USP54: variants seen among roughly 807,000 people sequenced by gnomAD.
USP54 encodes the protein ubiquitin specific peptidase 54.
In USP54, 87 loss-of-function variants were observed where a neutral mutation model predicts 170.5. That is an observed-to-expected ratio of 0.51 (90% CI 0.43 to 0.61). USP54 has a LOEUF of 0.61. Ranked by LOEUF, USP54 falls within the 20% of genes least tolerant of loss-of-function variation. The pLI is 0.00. For synonymous variants in USP54, 655 were observed against 742.8 expected (o/e 0.88, Z 1.92); for missense variants, 1,786 against 2,047.8 (o/e 0.87, Z 2.47).
At chr10:73,525,388 G>A (rs1307961395) in intron 16 of USP54, among the ~76,000 whole-genome samples, 1 of 152,178 alleles carries the variant, frequency 6.6e-6, no homozygotes, top group Non-Finnish European at 1.5e-5. Context: ...ATACAAACAG[G>A]ATGGTGGGGT....
intron 1 of USP54, among the ~76,000 whole-genome samples, chr10:73,620,878 G>A (rs769622572): frequency 5.3e-5 from 8 of 150,400 alleles, no homozygotes; most frequent in Non-Finnish European, 8.8e-5. Flanking sequence ...CAAACAGGTC[G>A]GATGCGGTGG....
intron 20 of USP54, among the ~76,000 whole-genome samples, chr10:73,509,960 T>G (rs1003414418): frequency 3.3e-5 from 5 of 151,754 alleles, no homozygotes; most frequent in Non-Finnish European, 7.4e-5. Flanking sequence ...TGCATTCCAG[T>G]CTGGGCAACA....
At chr10:73,559,231 G>T (rs1228995523) in intron 4 of USP54, among the ~76,000 whole-genome samples, 2 of 151,556 alleles carry the variant, frequency 1.3e-5, no homozygotes, top group Admixed American at 1.3e-4. Flanking sequence ...GACCAGCCCG[G>T]CCAACACGGT....
chr10:73,571,015 A>G (rs2075063978), intron 4 of USP54, among the ~76,000 whole-genome samples: 1 of 151,754 alleles, frequency 6.6e-6, no homozygotes, highest in Non-Finnish European at 1.5e-5. Context: ...GCACACGCCT[A>G]TAATCCCAGC....
At chr10:73,542,700 C>A in intron 7 of USP54, 103 bp downstream of exon 7, 1 of 1,191,192 alleles carries the variant, frequency 8.4e-7, no homozygotes, top group Admixed American at 2.1e-5. Flanking sequence ...CACTGCACTG[C>A]AGCCTGGGCA....
At chr10:73,539,328 T>A in intron 10 of USP54, 116 bp downstream of exon 10, 1 of 562,856 alleles carries the variant, frequency 1.8e-6, no homozygotes, top group Non-Finnish European at 2.5e-6. Context: ...ATATATGTTT[T>A]ATAGAAATGT....
chr10:73,595,546 A>G (rs2078657448), upstream of USP54, among the ~76,000 whole-genome samples: 1 of 152,190 alleles, frequency 6.6e-6, no homozygotes, highest in Non-Finnish European at 1.5e-5. Flanking sequence ...TCTCATATAA[A>G]TGGACTCTAA....
At chr10:73,624,358 C>A (rs2081347516) in intron 1 of USP54, 2 of 136,214 alleles carry the variant, frequency 1.5e-5, no homozygotes, top group South Asian at 4.9e-4. Flanking sequence ...CCACCAGGCC[C>A]GGCTAATTTT....
At chr10:73,557,172 G>T (rs1346889992) in intron 4 of USP54, among the ~76,000 whole-genome samples, 1 of 152,052 alleles carries the variant, frequency 6.6e-6, no homozygotes, top group Non-Finnish European at 1.5e-5. Context: ...GGGGGCCAGG[G>T]GTGTAAGAGT....
rs140872197 is a variant in USP54 at position 73,620,359 on chromosome 10, G to A, written c.-18+5208C>T. On this transcript the variant is annotated intron_variant, in intron 1 of 22. Transcript: ENST00000339859. ...AAAAAAGAAAGTTCTCTAGGCTTTAGTTTCCTCAATATAAAATGAATAGAA... is the reference window on the plus strand; with the variant it reads ...AAAAAAGAAAGTTCTCTAGGCTTTAATTTCCTCAATATAAAATGAATAGAA... Among the ~76,000 whole-genome samples the A allele has an allele frequency of 2.0e-4, 30 of 149,706 alleles. 4 individuals are homozygous for A. Among genetic ancestry groups the A allele is most frequent in the African/African-American group, 7.6e-4 (30 of 39,486 alleles).
intron 4 of USP54, among the ~76,000 whole-genome samples, chr10:73,568,727 T>C (rs889588306): frequency 5.3e-5 from 8 of 152,200 alleles, no homozygotes; most frequent in Non-Finnish European, 1.2e-4. Context: ...CCCAGAGTTA[T>C]GAAGACCCAA....
chr10:73,574,041 C>A (rs2075708695), intron 3 of USP54, among the ~76,000 whole-genome samples: 1 of 152,152 alleles, frequency 6.6e-6, no homozygotes, highest in African/African-American at 2.4e-5. Context: ...GTATAATTAT[C>A]TTGGGTGGCA....
chr10:73,530,406 A>G lies in USP54; in HGVS notation c.1565T>C (p.Leu522Pro). 6.2e-7 allele frequency: 1 copy of G among 1,614,184 alleles called. No individual in the cohort carries two copies. The highest frequency in any genetic ancestry group is 8.5e-7 in the Non-Finnish European group (1 of 1,180,034). The part of the protein sequence containing the change: ...VSNMIHNRPS[L>P]ASQTNVGSHC... ...AGAGCCTACATTGGTCTGAGAAGCCAGGGATGGTCTGTTATGGATCATATT... is the reference window on the plus strand; with the variant it reads ...AGAGCCTACATTGGTCTGAGAAGCCGGGGATGGTCTGTTATGGATCATATT... The change falls in exon 14 of 24, where the codon CTG becomes CCG. Residue 522 changes from leucine (L) to proline (P), a missense_variant. Physicochemically the swap from Leu to Pro is moderately conservative, Grantham distance 98. Transcript: ENST00000687698.
intron 1 of USP54, among the ~76,000 whole-genome samples, chr10:73,612,745 G>A (rs1327140671): frequency 1.3e-5 from 2 of 148,492 alleles, no homozygotes; most frequent in Admixed American, 6.9e-5. Context: ...GGAAGCTGAC[G>A]CAGGAAAATC....
chr10:73,534,644 T>C lies in USP54; in HGVS notation c.1271A>G (p.Tyr424Cys), dbSNP rs775509750. 5.0e-6 allele frequency: 8 copies of C among 1,614,046 alleles called. No individual in the cohort carries two copies. The highest frequency in any genetic ancestry group is 2.2e-5 in the South Asian group (2 of 91,088). ...AGACATGGAATCATTTTCCACATTATAGATGACTGTCCCCTGAGAATCAGA... is the reference window on the plus strand; with the variant it reads ...AGACATGGAATCATTTTCCACATTACAGATGACTGTCCCCTGAGAATCAGA... ...FSSDSQGTVI[Y>C]NVENDSMSQS... Residue 424 changes from tyrosine to cysteine, a missense_variant, in exon 12 of 24, where the codon TAT becomes TGT. Tyr to Cys is a radical substitution (Grantham distance 194). Coordinates refer to ENST00000687698, the MANE Select transcript of USP54 (RefSeq NM_001391956.1).
At position 73,530,533 on chromosome 10, in the gene USP54, C is replaced by T. The variant is rs764933355; in HGVS notation, c.1448-10G>A. 4 of 1,597,204 alleles carry T rather than the reference C, an allele frequency of 2.5e-6. No individual in the cohort carries two copies. Among genetic ancestry groups the T allele is most frequent in the Admixed American group, 1.8e-5 (1 of 55,834 alleles). On this transcript the variant is annotated splice_polypyrimidine_tract_variant and intron_variant, in intron 13 of 23. Coordinates refer to ENST00000687698, the MANE Select transcript of USP54 (RefSeq NM_001391956.1). ...TCTTTCAGTGTTTCTCCTAAAAACA[C>T]AAAGAATGAAAGAAATATAGATGTT...
At position 73,498,726 on chromosome 10, in the gene USP54, T is replaced by G. The variant is rs1360688721; in HGVS notation, c.4958A>C (p.His1653Pro). The G allele has an allele frequency of 4.3e-6, 7 of 1,613,442 alleles. No individual in the cohort carries two copies. The highest frequency in any genetic ancestry group is 2.2e-5 in the South Asian group (2 of 90,992). Residue 1653 changes from histidine (H) to proline (P), a missense_variant, in exon 24 of 24, where the codon CAC becomes CCC. Physicochemically the swap from His to Pro is moderately conservative, Grantham distance 77. Coordinates refer to ENST00000687698, the MANE Select transcript of USP54 (RefSeq NM_001391956.1). The part of the protein sequence containing the change: ...RQSSYASHSG[H>P]RRTVGEGFLF... The stretch of plus-strand genomic sequence containing the variant: ...AAACCCCTCTCCCACTGTTCTCCTG[T>G]GTCCAGAGTGGGAGGCATAACTGCT...
chr10:73,536,903 T>G (rs1041314856), intron 10 of USP54, among the ~76,000 whole-genome samples: 4 of 152,224 alleles, frequency 2.6e-5, no homozygotes, highest in African/African-American at 9.6e-5. Flanking sequence ...CAGACTGCCT[T>G]AGAACAAATG....
chr10:73,549,021 C>A (rs2068603564), intron 4 of USP54, among the ~76,000 whole-genome samples: 1 of 152,180 alleles, frequency 6.6e-6, no homozygotes, highest in South Asian at 2.1e-4. Flanking sequence ...GTGGTCAATT[C>A]TTGGTTTTCC....
Sources: gnomAD v4.1 joint callset for allele counts (sites outside exome capture counted in the v4.1 genomes callset) on GRCh38, gnomAD v4.1.1 for gene constraint, MANE v1.5 for transcripts, NCBI Gene and HGNC (gene_info 2026-07-23, HGNC 2026-07-21) for gene names.